The following FPGT variants were observed in gnomAD, a reference collection of about 807,000 sequenced individuals.
FPGT encodes the protein GDP-L-fucose diphosphorylase.
Under a neutral mutation model 45.8 loss-of-function variants are expected in FPGT, and 41 were observed. That is an observed-to-expected ratio of 0.90 (90% CI 0.70 to 1.16). The LOEUF is 1.16. Among genes scored for constraint, FPGT ranks in the 50% most tolerant of loss-of-function variants. FPGT has a pLI of 0.00. For missense variants in FPGT, 755 were observed against 689.1 expected, an observed-to-expected ratio of 1.10 and a Z score of -1.07; for synonymous variants, 292 against 247.2, an observed-to-expected ratio of 1.18 and a Z score of -1.70.
chr1:74,199,426 A>G (rs1389266759), intron 1 of FPGT, among the ~76,000 whole-genome samples: 1 of 152,224 alleles, frequency 6.6e-6, no homozygotes, highest in Non-Finnish European at 1.5e-5. Flanking sequence ...ATTGCAAACC[A>G]TAAAAGGAGG....
At position 74,206,426 on chromosome 1, in the gene FPGT, TA is replaced by T. The variant is rs1254081358; in HGVS notation, c.*598del. On this transcript the variant is annotated 3_prime_UTR_variant, in exon 4 of 4. Coordinates refer to ENST00000370898, the MANE Select transcript of FPGT (RefSeq NM_003838.5). ...CTCATTAATTTTATCAAAATGAAACTAAAAGTACATATGTATTATACACTTG... is the reference window on the plus strand; with the variant it reads ...CTCATTAATTTTATCAAAATGAAACTAAAGTACATATGTATTATACACTTG... 6.6e-6 allele frequency: 1 copy of T among 152,146 alleles called. No individual in the cohort carries two copies. Among genetic ancestry groups the T allele is most frequent in the Non-Finnish European group, 1.5e-5 (1 of 67,972 alleles). 9.4% of individuals were successfully genotyped at this position (152,146 alleles called of 1,614,324 possible). A position where few individuals can be genotyped will look rare whatever the true frequency, so the allele number is the denominator to read the frequency against.
intron 2 of FPGT, chr1:74,200,648 G>A (rs773391120): frequency 7.2e-6 from 1 of 139,832 alleles, no homozygotes; most frequent in South Asian, 2.6e-4. Flanking sequence ...GGGACTACAG[G>A]TGACTGCCAC....
rs1652093356 is a variant in FPGT, at chr1:74,204,546, G to A, written c.499G>A (p.Ala167Thr). The A allele has an allele frequency of 6.2e-7, 1 of 1,608,354 alleles. No homozygotes were observed. The highest frequency in any genetic ancestry group is 1.3e-5 in the African/African-American group (1 of 74,814). Reference sequence around the variant, plus strand: ...GAATCCTGGAATTCTGGTTACCTGTGCAGATGATATTGAACTTTATAGTAT... The same window carrying A: ...GAATCCTGGAATTCTGGTTACCTGTACAGATGATATTGAACTTTATAGTAT... ...NMNPGILVTC[A>T]DDIELYSIGE... Residue 167 changes from alanine to threonine, a missense_variant, in exon 4 of 4, where the codon GCA becomes ACA. By Grantham distance (58) the Ala-to-Thr change is moderately conservative. Transcript: ENST00000370898.
rs1162050850 is a variant in FPGT at position 74,207,400 on chromosome 1, C to G, written c.*1568C>G. On this transcript the variant is annotated 3_prime_UTR_variant, in exon 4 of 4. Transcript: ENST00000370898. ...TTCAAACTCTTCAGCACTTTCAGAG[C>G]TATTGATATGCATATGTCCACCTAG... Among the ~76,000 whole-genome samples the G allele has an allele frequency of 6.6e-6, 1 of 152,044 alleles. No individual in the cohort carries two copies. The highest frequency in any genetic ancestry group is 2.4e-5 in the African/African-American group (1 of 41,410).
intron 3 of FPGT, 80 bp from the exon 4 acceptor site, chr1:74,204,311 G>T: frequency 1.1e-6 from 1 of 874,608 alleles, no homozygotes; most frequent in South Asian, 2.2e-5. Flanking sequence ...TGTAACTTAT[G>T]GGTTATAAAA....
chr1:74,204,992 G>T lies in FPGT; in HGVS notation c.945G>T (p.Glu315Asp). The T allele has an allele frequency of 6.2e-7, 1 of 1,614,026 alleles. No individual in the cohort carries two copies. Among genetic ancestry groups the T allele is most frequent in the African/African-American group, 1.3e-5 (1 of 75,050 alleles). Residue 315 changes from glutamate (E) to aspartate (D), a missense_variant, in exon 4 of 4, where the codon GAG becomes GAT. Transcript: ENST00000370898. ...CTTTGGGACCTGGAGCAACTGTGGA[G>T]TACACCAGAAACACATCAAATGTCA... The part of the protein sequence containing the change: ...LQALGPGATV[E>D]YTRNTSNVIK...
Position 74,204,440 on chromosome 1 carries a change from C to A in FPGT, c.393C>A (p.Phe131Leu). The change falls in exon 4 of 4, where the codon TTC (phenylalanine) becomes TTA (leucine). Residue 131 changes from phenylalanine (F) to leucine (L), a missense_variant. Transcript: ENST00000370898. ...LPNASALGKIFTALPLGNPIY... is the reference protein window; with the variant it reads ...LPNASALGKILTALPLGNPIY... ...ATGCAAGTGCTCTGGGAAAAATTTT[C>A]ACTGCTTTACCTCTTGGTAACCCCA... 6.3e-7 allele frequency: 1 copy of A among 1,596,884 alleles called. No homozygotes were observed. The highest frequency in any genetic ancestry group is 1.1e-5 in the South Asian group (1 of 88,384).
chr1:74,202,234 G>A (rs1361709446), intron 3 of FPGT, among the ~76,000 whole-genome samples: 1 of 152,150 alleles, frequency 6.6e-6, no homozygotes, highest in Non-Finnish European at 1.5e-5. Flanking sequence ...ATGTTAAGGG[G>A]CTAATGAAAA....
At position 74,208,670 on chromosome 1, in the gene FPGT, T is replaced by C. The variant is rs1652478092; in HGVS notation, c.*2838T>C. Among the ~76,000 whole-genome samples, 2 of 152,090 alleles carry C rather than the reference T, an allele frequency of 1.3e-5. No homozygotes were observed. Among genetic ancestry groups the C allele is most frequent in the Non-Finnish European group, 2.9e-5 (2 of 67,984 alleles). Reference sequence around the variant, plus strand: ...CAGAAATAAAGGATATGTATCAGTGTATACTGATTGAAATAAAGCTTTAAA... The same window carrying C: ...CAGAAATAAAGGATATGTATCAGTGCATACTGATTGAAATAAAGCTTTAAA... On this transcript the variant is annotated 3_prime_UTR_variant, in exon 4 of 4. Coordinates refer to ENST00000370898, the MANE Select transcript of FPGT (RefSeq NM_003838.5).
At chr1:74,199,218 G>C (rs1651529937) in intron 1 of FPGT, among the ~76,000 whole-genome samples, 1 of 152,078 alleles carries the variant, frequency 6.6e-6, no homozygotes. Context: ...TTGAGGGAAG[G>C]GATCTTTGGG....
chr1:74,204,215 C>T (rs1483464800), intron 3 of FPGT, among the ~76,000 whole-genome samples, 176 bp from the exon 4 acceptor site: 6 of 152,108 alleles, frequency 3.9e-5, no homozygotes, highest in Middle Eastern at 3.4e-3. Flanking sequence ...AATTTCTCTT[C>T]GAATTTTTAA....
chr1:74,203,452 G>A (rs974795649), intron 3 of FPGT, among the ~76,000 whole-genome samples: 1 of 151,232 alleles, frequency 6.6e-6, no homozygotes, highest in Non-Finnish European at 1.5e-5. Context: ...GCAGTGGCAC[G>A]ATCTCCGCTC....
rs76458321 is a variant in FPGT at position 74,204,587 on chromosome 1, T to C, written c.540T>C (p.Phe180=). 3.4e-4 allele frequency: 548 copies of C among 1,613,066 alleles called. 7 individuals carry two copies. In the East Asian group the frequency reaches 8.8e-3, roughly 26 times the overall value. Residue 180 remains phenylalanine, a synonymous_variant, in exon 4 of 4, where the codon TTT becomes TTC. Transcript: ENST00000370898. ...IELYSIGEFE[F]IRFDKPGFTA... ...TTTATAGTATTGGAGAATTTGAGTT[T>C]ATTAGGTTTGACAAACCTGGCTTTA...
At chr1:74,198,494 A>C (rs1651434926) in intron 1 of FPGT, 134 bp downstream of exon 1, 14 of 1,252,798 alleles carry the variant, frequency 1.1e-5, no homozygotes, top group African/African-American at 1.5e-5. Context: ...AGGAGTAGCT[A>C]GCTAATAATC....
rs1222387893 is a variant in FPGT, at chr1:74,205,136, A to G, written c.1089A>G (p.Glu363=). Reference sequence around the variant, plus strand: ...AATTTTATCACATTGGAACAACCGAAGAATATTTGTTTTACTTTACCTCAG... The same window carrying G: ...AATTTTATCACATTGGAACAACCGAGGAATATTTGTTTTACTTTACCTCAG... The part of the protein sequence containing the change: ...NSKFYHIGTT[E]EYLFYFTSDN... The change falls in exon 4 of 4, where the codon GAA becomes GAG. Residue 363 remains glutamate, a synonymous_variant. Transcript: ENST00000370898. 1 of 1,613,720 alleles carries G rather than the reference A, an allele frequency of 6.2e-7. No homozygotes were observed. The highest frequency in any genetic ancestry group is 2.2e-5 in the East Asian group (1 of 44,888).
chr1:74,201,281 A>T, intron 2 of FPGT, 37 bp from the exon 3 acceptor site: 1 of 1,550,146 alleles, frequency 6.5e-7, no homozygotes, highest in Non-Finnish European at 8.9e-7. Flanking sequence ...GTAGGTTTCT[A>T]TTAAATAAAT....
At chr1:74,204,345 A>G in intron 3 of FPGT, 46 bp from the exon 4 acceptor site, 1 of 1,412,720 alleles carries the variant, frequency 7.1e-7, no homozygotes, top group South Asian at 1.6e-5. Flanking sequence ...AAAATTTTAT[A>G]AATAATACTG....
chr1:74,204,911 T>G lies in FPGT; in HGVS notation c.864T>G (p.Tyr288Ter), dbSNP rs548025507. The G allele has an allele frequency of 1.9e-6, 3 of 1,613,712 alleles. No individual in the cohort carries two copies. In the African/African-American group the frequency reaches 4.0e-5, roughly 22 times the overall value. ...HKSAKMLLAF[Y>*]EKIGTLSCEI... is the part of the protein sequence containing the mutation. ...CAGCAAAAATGTTACTTGCTTTTTA[T>G]GAAAAAATAGGCACACTGAGCTGTG... The change falls in exon 4 of 4, where the codon TAT becomes TAG. Residue 288 changes from tyrosine (Y) to a stop codon, truncating the protein, a stop_gained. Coordinates refer to ENST00000370898, the MANE Select transcript of FPGT (RefSeq NM_003838.5). LOFTEE classifies it high-confidence loss of function.
At position 74,198,289 on chromosome 1, in the gene FPGT, C is replaced by G. The variant is rs1357929376; in HGVS notation, c.11C>G (p.Ala4Gly). The part of the protein sequence containing the change: MAA[A>G]RDPPEVSLRE... ...AGGGAAGGTGGGGCTATGGCAGCTG[C>G]TAGGGACCCTCCGGAAGTATCGCTG... is the stretch of plus-strand genomic sequence containing the variant. Residue 4 changes from alanine (A) to glycine (G), a missense_variant, in exon 1 of 4, where the codon GCT becomes GGT. Transcript: ENST00000370898. 1 of 1,613,988 alleles carries G rather than the reference C, an allele frequency of 6.2e-7. No individual in the cohort carries two copies. The highest frequency in any genetic ancestry group is 1.3e-5 in the African/African-American group (1 of 74,930).
Sources: allele counts gnomAD v4.1 joint callset (sites outside exome capture counted in the v4.1 genomes callset), GRCh38; gene constraint gnomAD v4.1.1; transcripts MANE v1.5; gene names NCBI Gene and HGNC (gene_info 2026-07-23, HGNC 2026-07-21).